The following SLC20A2 variants were observed in gnomAD, a reference collection of about 807,000 sequenced individuals.
SLC20A2 encodes sodium-dependent phosphate transporter 2.
SLC20A2 carries 30 observed loss-of-function variants against 61.0 expected under a neutral mutation model. The observed-to-expected ratio is 0.49, with a 90% CI of 0.37 to 0.67. The LOEUF (loss-of-function observed/expected upper bound fraction) is 0.67. Ranked by LOEUF, SLC20A2 falls within the 30% of genes least tolerant of loss-of-function variation. The pLI is 0.00. For missense variants in SLC20A2, 626 were observed against 866.4 expected, an observed-to-expected ratio of 0.72 and a Z score of 3.48; for synonymous variants, 351 against 353.3, an observed-to-expected ratio of 0.99 and a Z score of 0.07.
chr8:42,494,015 T>G (rs1809724284), intron 1 of SLC20A2, among the ~76,000 whole-genome samples: 1 of 152,178 alleles, frequency 6.6e-6, no homozygotes, highest in South Asian at 2.1e-4. Context: ...TCGTGGTGTG[T>G]GCCAGTAGTC....
At chr8:42,451,182 G>A (rs998517626) in intron 5 of SLC20A2, among the ~76,000 whole-genome samples, 14 of 151,366 alleles carry the variant, frequency 9.2e-5, no homozygotes, top group Non-Finnish European at 1.6e-4. Context: ...AGAAGGAGGA[G>A]GAAGATGAGA....
intron 1 of SLC20A2, among the ~76,000 whole-genome samples, chr8:42,529,113 T>A (rs1250631000): frequency 6.6e-6 from 1 of 152,060 alleles, no homozygotes; most frequent in African/African-American, 2.4e-5. Flanking sequence ...TAGATGGGAC[T>A]ACAGGCACAT....
At chr8:42,444,918 A>T (rs1204755876) in intron 5 of SLC20A2, among the ~76,000 whole-genome samples, 156 bp from the exon 6 acceptor site, 2 of 152,254 alleles carry the variant, frequency 1.3e-5, no homozygotes, top group African/African-American at 4.8e-5. Flanking sequence ...TACTTTTTGG[A>T]GTAGAAAGCT....
rs551575593 is a variant in SLC20A2 at position 42,527,350 on chromosome 8, C to T, written c.-265+14471G>A. Reference sequence around the variant, plus strand: ...TCGCACCATTGCACTCCAGCCTGGGCGACAGAGCAAGCCTCCATTTCAAAA... The same window carrying T: ...TCGCACCATTGCACTCCAGCCTGGGTGACAGAGCAAGCCTCCATTTCAAAA... On this transcript the variant is annotated intron_variant, in intron 1 of 10. Coordinates refer to the SLC20A2 transcript ENST00000342228. 5.4e-5 allele frequency among the ~76,000 whole-genome samples: 8 copies of T among 147,128 alleles called. No homozygotes were observed. The South Asian group carries it at 6.6e-4, about 12-fold the overall frequency.
chr8:42,427,039 AC>A (rs1171875850), intron 10 of SLC20A2, among the ~76,000 whole-genome samples: 1 of 152,206 alleles, frequency 6.6e-6, no homozygotes, highest in Non-Finnish European at 1.5e-5. Flanking sequence ...GTTTTAAATA[AC>A]CCACATTAGG....
chr8:42,540,293 AAAAAC>A, intron 1 of SLC20A2, among the ~76,000 whole-genome samples: 3 of 152,352 alleles, frequency 2.0e-5, no homozygotes, highest in African/African-American at 7.2e-5. Flanking sequence ...CCGTCTCAAA[AAAAAC>A]AAAACAATAA....
At chr8:42,534,324 T>A (rs1812573936) in intron 1 of SLC20A2, among the ~76,000 whole-genome samples, 1 of 151,880 alleles carries the variant, frequency 6.6e-6, no homozygotes, top group African/African-American at 2.4e-5. Context: ...AACACTGACA[T>A]CGATATTGCT....
chr8:42,533,523 C>T (rs559886897), intron 1 of SLC20A2, among the ~76,000 whole-genome samples: 9 of 152,074 alleles, frequency 5.9e-5, no homozygotes, highest in African/African-American at 1.4e-4. Context: ...GGCTGAAGCA[C>T]GAGAACTGCT....
intron 5 of SLC20A2, among the ~76,000 whole-genome samples, chr8:42,455,257 T>TAG (rs71548583): frequency 0.031 from 2,489 of 81,514 alleles, 47 homozygotes; most frequent in Middle Eastern, 0.046. Context: ...TATATATATA[T>TAG]AGAGAGAGAG....
chr8:42,475,190 C>G (rs1807968882), intron 1 of SLC20A2, among the ~76,000 whole-genome samples: 1 of 152,040 alleles, frequency 6.6e-6, no homozygotes, highest in South Asian at 2.1e-4. Context: ...GCCTTAACCG[C>G]CCAGGCTCAA....
chr8:42,417,779 T>C lies in SLC20A2; in HGVS notation c.*24A>G, dbSNP rs749444426. ...GCCAACACCAGACCATCCCTTTAGC[T>C]GTTTGCAGCTGGAAGAAGACAAATC... is the stretch of plus-strand genomic sequence containing the variant. On this transcript the variant is annotated 3_prime_UTR_variant, in exon 11 of 11. Coordinates refer to ENST00000520262, the MANE Select transcript of SLC20A2 (RefSeq NM_001257180.2). 21 of 1,612,208 alleles carry C rather than the reference T, an allele frequency of 1.3e-5. No individual in the cohort carries two copies. The highest frequency in any genetic ancestry group is 1.6e-5 in the Non-Finnish European group (19 of 1,178,680).
At chr8:42,454,267 G>A (rs2131120104) in intron 5 of SLC20A2, among the ~76,000 whole-genome samples, 1 of 152,328 alleles carries the variant, frequency 6.6e-6, no homozygotes, top group South Asian at 2.1e-4. Context: ...CTCCCGAAGT[G>A]CTGAGATTAC....
chr8:42,493,969 C>T (rs930500255), intron 1 of SLC20A2, among the ~76,000 whole-genome samples: 1 of 152,162 alleles, frequency 6.6e-6, no homozygotes, highest in Non-Finnish European at 1.5e-5. Flanking sequence ...TAGCGAGACC[C>T]TGTCTCTATA....
chr8:42,494,726 T>C (rs879701540), intron 1 of SLC20A2, among the ~76,000 whole-genome samples: 2 of 152,230 alleles, frequency 1.3e-5, no homozygotes, highest in African/African-American at 2.4e-5. Flanking sequence ...TATTCAACTA[T>C]TAGGTCCATA....
intron 1 of SLC20A2, among the ~76,000 whole-genome samples, chr8:42,477,342 ACT>A (rs769606154): frequency 2.0e-5 from 3 of 149,548 alleles, no homozygotes; most frequent in Non-Finnish European, 4.4e-5. Context: ...CCTGTGCCCC[ACT>A]CTCTTCCCAG....
At chr8:42,519,132 G>GTATC (rs1388460751) in intron 1 of SLC20A2, among the ~76,000 whole-genome samples, 1 of 152,136 alleles carries the variant, frequency 6.6e-6, no homozygotes, top group East Asian at 1.9e-4. Context: ...CTTAACAGAA[G>GTATC]TATCACCTTG....
rs1167375865 is a variant in SLC20A2 at position 42,522,680 on chromosome 8, CA to C, written c.-265+19140del. 1.1e-4 allele frequency among the ~76,000 whole-genome samples: 12 copies of C among 113,620 alleles called. 2 individuals carry two copies. Among genetic ancestry groups the C allele is most frequent in the African/African-American group, 2.4e-4 (9 of 37,712 alleles). 74.5% of individuals were successfully genotyped at this position (113,620 alleles called of 152,430 possible). ...TGGGCGACAGAGCAGGACTCCATCTCAAAAAAAAAGGTATTATTGTAGCAAA... is the reference window on the plus strand; with the variant it reads ...TGGGCGACAGAGCAGGACTCCATCTCAAAAAAAAGGTATTATTGTAGCAAA... On this transcript the variant is annotated intron_variant, in intron 1 of 10. Coordinates refer to the SLC20A2 transcript ENST00000342228.
intron 1 of SLC20A2, among the ~76,000 whole-genome samples, chr8:42,482,581 C>T (rs2131278230): frequency 6.6e-6 from 1 of 152,182 alleles, no homozygotes; most frequent in Non-Finnish European, 1.5e-5. Context: ...AAACCCCATC[C>T]CTACTAAAAA....
intron 5 of SLC20A2, among the ~76,000 whole-genome samples, chr8:42,456,548 T>G (rs943618583): frequency 5.3e-5 from 8 of 151,852 alleles, no homozygotes; most frequent in Non-Finnish European, 8.8e-5. Context: ...CTGGCCAACA[T>G]AGCAAAACCC....
Sources: allele counts gnomAD v4.1 joint callset (sites outside exome capture counted in the v4.1 genomes callset), GRCh38; gene constraint gnomAD v4.1.1; transcripts MANE v1.5; gene names NCBI Gene and HGNC (gene_info 2026-07-23, HGNC 2026-07-21).